Variants in BPTF observed in about 807,000 individuals in gnomAD.
BPTF encodes the protein nucleosome-remodeling factor subunit BPTF.
BPTF carries 18 observed loss-of-function variants against 292.5 expected under a neutral mutation model. The observed-to-expected ratio is 0.06, with a 90% CI of 0.04 to 0.09. The LOEUF (loss-of-function observed/expected upper bound fraction) is 0.09, where lower values mean the gene tolerates loss of function less well. BPTF is among the 10% of genes least tolerant of loss of function. The pLI is 1.00. For synonymous variants in BPTF, 1,225 were observed against 1,251.9 expected (o/e 0.98, Z 0.45); for missense variants, 2,726 against 3,498.7 (o/e 0.78, Z 5.57).
intron 3 of BPTF, among the ~76,000 whole-genome samples, chr17:67,872,595 A>C (rs748500920): frequency 6.6e-6 from 1 of 152,090 alleles, no homozygotes; most frequent in Non-Finnish European, 1.5e-5. Flanking sequence ...AGTCTCAGCT[A>C]CTTGGGAGGC....
chr17:67,927,492 CTT>C (rs2064015758), intron 15 of BPTF, among the ~76,000 whole-genome samples: 1 of 152,060 alleles, frequency 6.6e-6, no homozygotes, highest in Non-Finnish European at 1.5e-5. Flanking sequence ...TCTAGAAAAA[CTT>C]TTATAATTTT....
chr17:67,870,809 G>A (rs936722909), intron 3 of BPTF, among the ~76,000 whole-genome samples: 4 of 114,250 alleles, frequency 3.5e-5, no homozygotes, highest in East Asian at 2.5e-4. Flanking sequence ...TCGCTCTGTC[G>A]CCCAGGCTGG....
chr17:67,970,846 G>C (rs76304234), intron 26 of BPTF, among the ~76,000 whole-genome samples: 2,718 of 152,214 alleles, frequency 0.018, 75 homozygotes, highest in African/African-American at 0.057. Flanking sequence ...ATTGTGTGTA[G>C]TTTTTGCTAG....
chr17:67,877,425 G>A (rs906630628), intron 4 of BPTF, among the ~76,000 whole-genome samples: 2 of 152,218 alleles, frequency 1.3e-5, no homozygotes, highest in Non-Finnish European at 2.9e-5. Context: ...CAGTGGATGA[G>A]ATGCCTTGTT....
chr17:67,918,936 G>A (rs1490965211), intron 12 of BPTF, 98 bp downstream of exon 12: 7 of 1,299,772 alleles, frequency 5.4e-6, no homozygotes, highest in Admixed American at 4.5e-5. Context: ...ACTTTGGGAG[G>A]CTGAGGCAGG....
At chr17:67,841,451 T>C (rs914950620) in intron 1 of BPTF, among the ~76,000 whole-genome samples, 5 of 152,134 alleles carry the variant, frequency 3.3e-5, no homozygotes, top group African/African-American at 1.2e-4. Context: ...TTAATACTAA[T>C]ATAAAATTAG....
At chr17:67,886,170 C>A in intron 4 of BPTF, 2 of 1,612,786 alleles carry the variant, frequency 1.2e-6, no homozygotes, top group Non-Finnish European at 1.7e-6. Flanking sequence ...ACTAGTGCTA[C>A]CACTACCTCC....
chr17:67,935,113 T>C (rs1173206434), intron 18 of BPTF, among the ~76,000 whole-genome samples: 1 of 151,674 alleles, frequency 6.6e-6, no homozygotes, highest in African/African-American at 2.4e-5. Flanking sequence ...GTTAGAAACA[T>C]ATATAAAACA....
chr17:67,979,971 G>A (rs1309246917), intron 27 of BPTF, among the ~76,000 whole-genome samples: 2 of 152,026 alleles, frequency 1.3e-5, no homozygotes, highest in African/African-American at 4.8e-5. Flanking sequence ...AACCTTGGAG[G>A]CGGAGGTTGC....
At chr17:67,896,458 A>G (rs1260576792) in intron 7 of BPTF, among the ~76,000 whole-genome samples, 1 of 53,858 alleles carries the variant, frequency 1.9e-5, no homozygotes, top group African/African-American at 3.4e-5. Flanking sequence ...GGTAATGAGT[A>G]ACTAGAAACT....
chr17:67,827,184 T>C (rs1237141810), intron 1 of BPTF, among the ~76,000 whole-genome samples: 5 of 152,258 alleles, frequency 3.3e-5, no homozygotes, highest in East Asian at 1.9e-4. Flanking sequence ...GCAGAAGATA[T>C]GTAGTTGATC....
In BPTF at chr17:67,959,638, C is replaced by G; in HGVS notation, c.8024C>G (p.Pro2675Arg). The change falls in exon 24 of 28, where the codon CCA becomes CGA. Residue 2675 changes from proline to arginine, a missense_variant. Pro to Arg is a moderately radical substitution (Grantham distance 103). Around this residue, in one of 22 missense-constraint regions of BPTF, gnomAD observed 148 missense variants for 145.5 expected, o/e 1.02. Coordinates refer to ENST00000306378, the MANE Select transcript of BPTF (RefSeq NM_182641.4). Reference sequence around the variant, plus strand: ...GCTGCACCCTGCCCCCCAGTGACACCAGCTCCTCCAGCCCCTCCAGCCCCT... The same window carrying G: ...GCTGCACCCTGCCCCCCAGTGACACGAGCTCCTCCAGCCCCTCCAGCCCCT... ...AVAAPCPPVTPAPPAPPAPPP... is the reference protein window; with the variant it reads ...AVAAPCPPVTRAPPAPPAPPP... The G allele has an allele frequency of 6.2e-7, 1 of 1,601,630 alleles. No individual in the cohort carries two copies. Among genetic ancestry groups the G allele is most frequent in the South Asian group, 1.1e-5 (1 of 89,554 alleles).
chr17:67,879,322 A>G (rs2060244814), intron 4 of BPTF, among the ~76,000 whole-genome samples: 1 of 151,730 alleles, frequency 6.6e-6, no homozygotes, highest in Non-Finnish European at 1.5e-5. Flanking sequence ...TTGTATTTTT[A>G]GTAGAGACGG....
intron 7 of BPTF, among the ~76,000 whole-genome samples, chr17:67,898,660 TC>T (rs1179320497): frequency 7.1e-5 from 10 of 141,496 alleles, no homozygotes; most frequent in Non-Finnish European, 1.1e-4. Flanking sequence ...GTATATGAAG[TC>T]TTTTTTTTTT....
At position 67,911,047 on chromosome 17, in the gene BPTF, A is replaced by G. The variant is rs2062621178; in HGVS notation, c.3163A>G (p.Thr1055Ala). The change falls in exon 11 of 28, where the codon ACA (threonine) becomes GCA (alanine). Residue 1055 changes from threonine (T) to alanine (A), a missense_variant. Physicochemically the swap from Thr to Ala is moderately conservative, Grantham distance 58. Transcript: ENST00000306378. The part of the protein sequence containing the change: ...FHLRTSYKKK[T>A]KSSKLDGLLE... ...TCTAAGGACTAGTTACAAAAAGAAA[A>G]CAAAATCATCCAAACTAGATGGACT... is the stretch of plus-strand genomic sequence containing the variant. 6.2e-7 allele frequency: 1 copy of G among 1,614,124 alleles called. No individual in the cohort carries two copies.
At chr17:67,980,243 G>A (rs550550514) in intron 27 of BPTF, among the ~76,000 whole-genome samples, 6 of 152,240 alleles carry the variant, frequency 3.9e-5, no homozygotes, top group Admixed American at 3.9e-4. Flanking sequence ...TACTGGGGAG[G>A]CTGAGGCAGG....
intron 18 of BPTF, 68 bp downstream of exon 18, chr17:67,932,087 C>A: frequency 1.5e-6 from 2 of 1,316,750 alleles, no homozygotes; most frequent in South Asian, 1.2e-5. Flanking sequence ...TAATTCTCTG[C>A]ATTTGGCACT....
Position 67,854,708 on chromosome 17 carries a change from T to C in BPTF, c.1382T>C (p.Ile461Thr). ...KNKPYIRHEP[I>T]GYDRSRRKYW... is the part of the protein sequence containing the mutation. Reference sequence around the variant, plus strand: ...AAACCATATATTCGACATGAACCTATTGGATATGATAGAAGTCGGAGGAAA... The same window carrying C: ...AAACCATATATTCGACATGAACCTACTGGATATGATAGAAGTCGGAGGAAA... The change falls in exon 2 of 28, where the codon ATT (isoleucine) becomes ACT (threonine). Residue 461 changes from isoleucine (I) to threonine (T), a missense_variant. By Grantham distance (89) the Ile-to-Thr change is moderately conservative (BLOSUM62 -1). This residue lies in a region of BPTF where 22 missense variants were observed against 97.3 expected (regional missense o/e 0.23). Transcript: ENST00000306378. The surrounding 1 kb of genome is among the most constrained non-coding windows in gnomAD (Gnocchi z 5.6). 1 of 1,614,160 alleles carries C rather than the reference T, an allele frequency of 6.2e-7. No individual in the cohort carries two copies. The highest frequency in any genetic ancestry group is 1.1e-5 in the South Asian group (1 of 91,078).
In BPTF at chr17:67,825,938, A is replaced by C; in HGVS notation, c.214A>C (p.Ser72Arg). 9.9e-7 allele frequency: 1 copy of C among 1,010,750 alleles called. No individual in the cohort carries two copies. The highest frequency in any genetic ancestry group is 4.5e-5 in the South Asian group (1 of 22,354). The allele number at this position is 1,010,750 out of a possible 1,614,324, so 62.6% of individuals were successfully genotyped here. A position where few individuals can be genotyped will look rare whatever the true frequency, so the allele number is the denominator to read the frequency against. The change falls in exon 1 of 28, where the codon AGT becomes CGT. Residue 72 changes from serine (S) to arginine (R), a missense_variant. Transcript: ENST00000306378. ...GCTGAGCTCGCCCAGGGGGGGCAGC[A>C]GTAGCCGGAGGAAGCCGCCGCCGCC... ...TRLSSPRGGSSSRRKPPPPPP... is the reference protein window; with the variant it reads ...TRLSSPRGGSRSRRKPPPPPP...
Sources: allele counts gnomAD v4.1 joint callset (sites outside exome capture counted in the v4.1 genomes callset), GRCh38; gene constraint gnomAD v4.1.1; regional missense constraint gnomAD v4.1.1; non-coding constraint Gnocchi (gnomAD v3.1); transcripts MANE v1.5; gene names NCBI Gene and HGNC (gene_info 2026-07-23, HGNC 2026-07-21).